The following NIM1K variants were observed in gnomAD, a reference collection of about 807,000 sequenced individuals.
NIM1K encodes the protein NIM1 serine/threonine protein kinase.
A neutral mutation model predicts 37.1 loss-of-function variants in NIM1K; 35 were observed. The observed-to-expected ratio is 0.94, with a 90% CI of 0.72 to 1.25. The LOEUF is 1.25. Among genes scored for constraint, NIM1K ranks in the 50% most tolerant of loss-of-function variants. NIM1K has a pLI of 0.00. For synonymous variants in NIM1K, 234 were observed against 206.6 expected (o/e 1.13, Z -1.14); for missense variants, 564 against 548.0 (o/e 1.03, Z -0.29).
chr5:43,222,756 A>G (rs1415046895), intron 1 of NIM1K, among the ~76,000 whole-genome samples: 3 of 151,958 alleles, frequency 2.0e-5, no homozygotes, highest in African/African-American at 7.2e-5. Flanking sequence ...AAAAAGAAAA[A>G]AGAAAGCCTG....
intron 1 of NIM1K, among the ~76,000 whole-genome samples, chr5:43,216,401 CT>C (rs1396515383): frequency 2.6e-5 from 4 of 152,148 alleles, no homozygotes; most frequent in Non-Finnish European, 5.9e-5. Context: ...CCTTTTTTCT[CT>C]GAGATGCAGG....
chr5:43,222,164 A>G (rs1477983346), intron 1 of NIM1K, among the ~76,000 whole-genome samples: 2 of 152,142 alleles, frequency 1.3e-5, no homozygotes, highest in African/African-American at 4.8e-5. Context: ...GCCTTGCCTT[A>G]TGTCCCACAT....
intron 1 of NIM1K, among the ~76,000 whole-genome samples, chr5:43,196,942 C>CTT (rs774125135): frequency 0.14 from 11,955 of 82,528 alleles, 1,107 homozygotes; most frequent in Non-Finnish European, 0.21. Flanking sequence ...CCATGCCCAG[C>CTT]TTTTTTTTTT....
At chr5:43,202,164 T>G (rs1752030284) in intron 1 of NIM1K, among the ~76,000 whole-genome samples, 1 of 152,046 alleles carries the variant, frequency 6.6e-6, no homozygotes, top group Non-Finnish European at 1.5e-5. Context: ...TAGCTTGACT[T>G]TTAAATCCCC....
chr5:43,194,553 C>T (rs1007499466), intron 1 of NIM1K, among the ~76,000 whole-genome samples: 2 of 151,962 alleles, frequency 1.3e-5, no homozygotes, highest in Admixed American at 6.6e-5. Flanking sequence ...TTATAGAGCC[C>T]TTTATATTCT....
chr5:43,237,305 G>A (rs2112251460), intron 1 of NIM1K, among the ~76,000 whole-genome samples: 1 of 152,312 alleles, frequency 6.6e-6, no homozygotes, highest in South Asian at 2.1e-4. Context: ...AGTAAGCTCT[G>A]TTTTCTTTCA....
At chr5:43,207,410 G>C (rs1422823416) in intron 1 of NIM1K, 1 of 865,708 alleles carries the variant, frequency 1.2e-6, no homozygotes, top group African/African-American at 1.7e-5. Flanking sequence ...CGATGTCTTA[G>C]ACAATCTTAA....
chr5:43,234,275 A>AT (rs1752585642), intron 1 of NIM1K, among the ~76,000 whole-genome samples: 1 of 137,224 alleles, frequency 7.3e-6, no homozygotes, highest in Non-Finnish European at 1.6e-5. Flanking sequence ...CATTCATTCA[A>AT]TGCATGCATT....
At chr5:43,194,775 G>A (rs1045434360) in intron 1 of NIM1K, 4 of 151,820 alleles carry the variant, frequency 2.6e-5, no homozygotes, top group African/African-American at 7.3e-5. Context: ...TTTTCTTTTC[G>A]TTTTTAGAGA....
At chr5:43,216,030 A>G (rs1175286838) in intron 1 of NIM1K, among the ~76,000 whole-genome samples, 2 of 152,068 alleles carry the variant, frequency 1.3e-5, no homozygotes, top group African/African-American at 4.8e-5. Flanking sequence ...GTTTCCTATC[A>G]TGATGAATAT....
intron 1 of NIM1K, among the ~76,000 whole-genome samples, chr5:43,215,847 C>T (rs959792440): frequency 5.3e-5 from 8 of 152,178 alleles, no homozygotes; most frequent in African/African-American, 1.4e-4. Context: ...TTACTTACTA[C>T]GCTCCCTTCA....
intron 1 of NIM1K, among the ~76,000 whole-genome samples, chr5:43,200,122 C>A (rs1751996616): frequency 6.6e-6 from 1 of 152,082 alleles, no homozygotes; most frequent in Admixed American, 6.6e-5. Context: ...ATCTGCCCAC[C>A]TCGGCCTCCC....
At chr5:43,261,002 G>A (rs886900249) in intron 2 of NIM1K, among the ~76,000 whole-genome samples, 1 of 152,124 alleles carries the variant, frequency 6.6e-6, no homozygotes, top group Non-Finnish European at 1.5e-5. Flanking sequence ...TCTTAATCCA[G>A]TCTATCATTG....
At chr5:43,250,020 T>C (rs1752844509) in intron 2 of NIM1K, among the ~76,000 whole-genome samples, 1 of 151,612 alleles carries the variant, frequency 6.6e-6, no homozygotes, top group Admixed American at 6.6e-5. Flanking sequence ...GCCTGGCTAA[T>C]TTTTTGTATT....
chr5:43,240,607 G>A (rs960272844), intron 1 of NIM1K, among the ~76,000 whole-genome samples: 1 of 148,330 alleles, frequency 6.7e-6, no homozygotes, highest in Non-Finnish European at 1.5e-5. Flanking sequence ...GCAGTGGCAT[G>A]ATCTTGGCTC....
chr5:43,265,997 G>A (rs1459452968), intron 2 of NIM1K, among the ~76,000 whole-genome samples: 1 of 152,212 alleles, frequency 6.6e-6, no homozygotes, highest in Non-Finnish European at 1.5e-5. Flanking sequence ...CTTCATCTCA[G>A]AGGGTCACCC....
chr5:43,208,368 G>T (rs529097098), intron 1 of NIM1K, among the ~76,000 whole-genome samples: 42 of 152,288 alleles, frequency 2.8e-4, no homozygotes, highest in African/African-American at 9.1e-4. Context: ...ACTTTGGGAG[G>T]CCGACGCGGG....
At chr5:43,235,717 ATTTG>A (rs1448701884) in intron 1 of NIM1K, among the ~76,000 whole-genome samples, 5 of 152,308 alleles carry the variant, frequency 3.3e-5, no homozygotes, top group African/African-American at 4.8e-5. Flanking sequence ...TTAAACAGAC[ATTTG>A]TTTGTGCGTG....
At chr5:43,257,820 G>T (rs1291307973) in intron 2 of NIM1K, among the ~76,000 whole-genome samples, 1 of 151,252 alleles carries the variant, frequency 6.6e-6, no homozygotes, top group Non-Finnish European at 1.5e-5. Flanking sequence ...AGCTACTTGG[G>T]AGACTGAGCT....
Sources: allele counts gnomAD v4.1 joint callset (sites outside exome capture counted in the v4.1 genomes callset), GRCh38; gene constraint gnomAD v4.1.1; transcripts MANE v1.5; gene names NCBI Gene and HGNC (gene_info 2026-07-23, HGNC 2026-07-21).